ROBO2: variants seen among roughly 807,000 people sequenced by gnomAD.
ROBO2 encodes the protein roundabout guidance receptor 2.
ROBO2 carries 53 observed loss-of-function variants against 160.8 expected under a neutral mutation model. The ratio of observed to expected loss-of-function variants is 0.33; its 90% CI spans 0.26 to 0.41. ROBO2 has a LOEUF of 0.41. ROBO2 is among the 10% of genes least tolerant of loss of function. The probability of loss-of-function intolerance (pLI) is 1.00; values close to 1 mark genes in which losing one functional copy is unlikely to be tolerated. For synonymous variants in ROBO2, 664 were observed against 611.7 expected, an observed-to-expected ratio of 1.09 and a Z score of -1.26; for missense variants, 1,577 against 1,722.4, an observed-to-expected ratio of 0.92 and a Z score of 1.49.
At chr3:76,693,706 A>T (rs1576023557) in intron 2 of ROBO2, among the ~76,000 whole-genome samples, 1 of 152,128 alleles carries the variant, frequency 6.6e-6, no homozygotes, top group Non-Finnish European at 1.5e-5. Context: ...CTGGAGAAAC[A>T]TGGGGCCACT....
intron 21 of ROBO2, among the ~76,000 whole-genome samples, chr3:77,616,872 T>C (rs995102639): frequency 3.3e-5 from 5 of 152,096 alleles, no homozygotes; most frequent in African/African-American, 9.7e-5. Flanking sequence ...GTGTTAAAGT[T>C]TTTTACTACA....
chr3:76,495,207 C>G (rs2080078355), intron 2 of ROBO2, among the ~76,000 whole-genome samples: 1 of 134,660 alleles, frequency 7.4e-6, no homozygotes, highest in Admixed American at 7.5e-5. Flanking sequence ...TATTTATCTT[C>G]ATTTCCTTTT....
chr3:75,934,512 A>G (rs530519786), intron 1 of ROBO2, among the ~76,000 whole-genome samples: 1 of 152,280 alleles, frequency 6.6e-6, no homozygotes, highest in African/African-American at 2.4e-5. Context: ...TTTTAAATGA[A>G]TTGAGTTTAC....
In ROBO2 at chr3:75,986,244, C is replaced by T. The variant is rs559553853; in HGVS notation, c.109+48642C>T. 9.9e-4 allele frequency among the ~76,000 whole-genome samples: 149 copies of T among 151,204 alleles called. 1 individual carries two copies. Among genetic ancestry groups the T allele is most frequent in the African/African-American group, 3.3e-3 (135 of 41,358 alleles). On this transcript the variant is annotated intron_variant, in intron 2 of 26. Coordinates refer to the ROBO2 transcript ENST00000487694. The stretch of plus-strand genomic sequence containing the variant: ...TTAATAGTAACTATCATCATGTGTA[C>T]GAGGTGTTATGTTCTTGTAGTTTTG...
intron 2 of ROBO2, among the ~76,000 whole-genome samples, chr3:76,802,148 C>T (rs1695035622): frequency 1.3e-5 from 2 of 152,104 alleles, no homozygotes; most frequent in African/African-American, 4.8e-5. Context: ...CAAAATATGA[C>T]ACAGAGGTAC....
chr3:77,410,223 T>A (rs1274009990), intron 2 of ROBO2, among the ~76,000 whole-genome samples: 1 of 152,216 alleles, frequency 6.6e-6, no homozygotes, highest in African/African-American at 2.4e-5. Context: ...CATCTCTCTG[T>A]GGAATCTGTT....
At chr3:76,931,900 C>A (rs965190239) in intron 2 of ROBO2, among the ~76,000 whole-genome samples, 2 of 152,048 alleles carry the variant, frequency 1.3e-5, no homozygotes, top group Admixed American at 6.5e-5. Context: ...AGGCTGGTCT[C>A]AAACTCCTGA....
intron 1 of ROBO2, among the ~76,000 whole-genome samples, chr3:77,086,036 G>C (rs555187747): frequency 9.9e-5 from 15 of 152,144 alleles, no homozygotes; most frequent in Admixed American, 9.8e-4. Context: ...TAATCATGGA[G>C]TCATTCCAAG....
intron 2 of ROBO2, among the ~76,000 whole-genome samples, chr3:76,809,239 A>G (rs1388914168): frequency 6.6e-6 from 1 of 152,090 alleles, no homozygotes; most frequent in South Asian, 2.1e-4. Context: ...ACTGGGGAAA[A>G]GTCTTCTTCA....
intron 2 of ROBO2, among the ~76,000 whole-genome samples, chr3:76,041,861 A>G (rs989458754): frequency 6.6e-6 from 1 of 151,998 alleles, no homozygotes; most frequent in East Asian, 1.9e-4. Context: ...GCGCAAACGC[A>G]TTGCCATTCA....
intron 2 of ROBO2, among the ~76,000 whole-genome samples, chr3:77,318,230 C>T (rs997582701): frequency 6.6e-6 from 1 of 151,848 alleles, no homozygotes; most frequent in African/African-American, 2.4e-5. Context: ...GATGGGGTTT[C>T]GCCATGTTGG....
chr3:76,397,300 T>C (rs1242772239), intron 2 of ROBO2, among the ~76,000 whole-genome samples: 14 of 152,130 alleles, frequency 9.2e-5, no homozygotes, highest in Non-Finnish European at 7.4e-5. Context: ...GATCCCTTCC[T>C]TACACCTTAT....
At chr3:76,773,181 C>T (rs1481288354) in intron 2 of ROBO2, among the ~76,000 whole-genome samples, 1 of 150,888 alleles carries the variant, frequency 6.6e-6, no homozygotes, top group African/African-American at 2.4e-5. Flanking sequence ...CATTTAGTCA[C>T]AACATGATTA....
intron 2 of ROBO2, among the ~76,000 whole-genome samples, chr3:76,887,639 A>G (rs1371611184): frequency 6.6e-6 from 1 of 152,174 alleles, no homozygotes; most frequent in African/African-American, 2.4e-5. Flanking sequence ...TAGTTCTCTC[A>G]AAAATATTTT....
At chr3:76,563,241 C>T (rs1407250927) in intron 2 of ROBO2, among the ~76,000 whole-genome samples, 2 of 152,086 alleles carry the variant, frequency 1.3e-5, no homozygotes, top group African/African-American at 4.8e-5. Context: ...AGACACTCTG[C>T]ACATCATTTC....
intron 2 of ROBO2, among the ~76,000 whole-genome samples, chr3:75,943,014 AT>A (rs35768591): frequency 0.94 from 143,146 of 152,078 alleles, 67,814 homozygotes; most frequent in Non-Finnish European, 1. Context: ...TTAAAAAATT[AT>A]TTTTTTCTGA....
chr3:76,823,634 G>GGAACTACTGACCTCA (rs1165000767), intron 2 of ROBO2, among the ~76,000 whole-genome samples: 1 of 152,076 alleles, frequency 6.6e-6, no homozygotes. Context: ...CAAAGGATGT[G>GGAACTACTGACCTCA]AGGTATTAAA....
chr3:77,285,455 C>T (rs1372223524), intron 2 of ROBO2, among the ~76,000 whole-genome samples: 1 of 152,182 alleles, frequency 6.6e-6, no homozygotes, highest in African/African-American at 2.4e-5. Context: ...TTTCTTTCCA[C>T]AGCACCATAA....
At chr3:76,836,448 T>C (rs2067697111) in intron 2 of ROBO2, among the ~76,000 whole-genome samples, 1 of 149,888 alleles carries the variant, frequency 6.7e-6, no homozygotes, top group Non-Finnish European at 1.5e-5. Context: ...TTTTTTTTTT[T>C]AGATTCTTGA....
Sources: gnomAD v4.1 joint callset for allele counts (sites outside exome capture counted in the v4.1 genomes callset) on GRCh38, gnomAD v4.1.1 for gene constraint, MANE v1.5 for transcripts, NCBI Gene and HGNC (gene_info 2026-07-23, HGNC 2026-07-21) for gene names.